The following RIGI variants were observed in gnomAD, a reference collection of about 807,000 sequenced individuals.
The protein encoded by RIGI is antiviral innate immune response receptor RIG-I.
At chr9:32,465,020 G>A in the RIGI span, among the ~76,000 whole-genome samples, 1 of 152,162 alleles carries the variant, frequency 6.6e-6, no homozygotes, top group Non-Finnish European at 1.5e-5. Context: ...TCTGTCACAT[G>A]AGTCTAAGTA....
At chr9:32,487,980 G>A in the RIGI span, 5 of 1,614,050 alleles carry the variant, frequency 3.1e-6, no homozygotes, top group South Asian at 1.1e-5. Context: ...CCAAGTTTCT[G>A]ATCTAGATAA....
chr9:32,457,475 TTG>T, the RIGI span: 44 of 1,352,408 alleles, frequency 3.3e-5, no homozygotes, highest in Non-Finnish European at 3.9e-5. Flanking sequence ...CAGTACATAA[TTG>T]TGATTTAAAA....
chr9:32,491,704 C>T, the RIGI span, among the ~76,000 whole-genome samples: 17 of 108,154 alleles, frequency 1.6e-4, no homozygotes, highest in African/African-American at 5.7e-4. Context: ...CGGAGGGATT[C>T]GTATGCACCA....
chr9:32,458,858 A>C, the RIGI span, among the ~76,000 whole-genome samples: 2 of 150,882 alleles, frequency 1.3e-5, no homozygotes, highest in African/African-American at 2.4e-5. Flanking sequence ...TCCAGGAGCT[A>C]ATCCAGGACA....
chr9:32,499,814 G>A, the RIGI span, among the ~76,000 whole-genome samples: 19 of 152,214 alleles, frequency 1.2e-4, no homozygotes, highest in African/African-American at 4.1e-4. Flanking sequence ...GAGTGCAGCA[G>A]CGCCATCATA....
the RIGI span, among the ~76,000 whole-genome samples, chr9:32,518,296 T>C: frequency 6.6e-6 from 1 of 151,978 alleles, no homozygotes; most frequent in African/African-American, 2.4e-5. Context: ...AGATGTATTT[T>C]TGGTAAGGAA....
chr9:32,471,087 G>A, the RIGI span, among the ~76,000 whole-genome samples: 1 of 152,238 alleles, frequency 6.6e-6, no homozygotes, highest in East Asian at 1.9e-4. Context: ...GCAAAATCCT[G>A]TCCCTACTAA....
chr9:32,492,958 A>T, the RIGI span, among the ~76,000 whole-genome samples: 1 of 152,230 alleles, frequency 6.6e-6, no homozygotes, highest in South Asian at 2.1e-4. Flanking sequence ...ACTAAAGTTT[A>T]TTGTACACAT....
At chr9:32,456,471 A>G in the RIGI span, 1 of 152,170 alleles carries the variant, frequency 6.6e-6, no homozygotes, top group Non-Finnish European at 1.5e-5. Context: ...CATTACATAT[A>G]CATACCTGTA....
the RIGI span, among the ~76,000 whole-genome samples, chr9:32,511,356 T>C: frequency 2.0e-5 from 3 of 152,060 alleles, no homozygotes; most frequent in Non-Finnish European, 2.9e-5. Context: ...CCTCAGCAAA[T>C]GCAAAAGAAC....
the RIGI span, chr9:32,481,414 C>A: frequency 6.2e-7 from 1 of 1,613,280 alleles, no homozygotes; most frequent in Non-Finnish European, 8.5e-7. Context: ...ATCTGGAACA[C>A]CATGCATGCT....
chr9:32,485,950 C>G, the RIGI span, among the ~76,000 whole-genome samples: 8 of 152,158 alleles, frequency 5.3e-5, no homozygotes, highest in Non-Finnish European at 1.2e-4. Flanking sequence ...TTGATATTCT[C>G]CCTCCCCACA....
chr9:32,455,559 T>G, the RIGI span: 1 of 152,056 alleles, frequency 6.6e-6, no homozygotes, highest in Admixed American at 6.5e-5. Context: ...GTCCCTCCCT[T>G]GACACATGGG....
At chr9:32,468,542 T>C in the RIGI span, among the ~76,000 whole-genome samples, 2 of 152,086 alleles carry the variant, frequency 1.3e-5, no homozygotes, top group African/African-American at 2.4e-5. Context: ...GGCACACACC[T>C]GTAGCCCCAG....
chr9:32,460,956 A>T, the RIGI span, among the ~76,000 whole-genome samples: 27 of 152,230 alleles, frequency 1.8e-4, no homozygotes, highest in African/African-American at 6.5e-4. Context: ...AACAAGCTCC[A>T]AACAGGATAA....
chr9:32,511,504 G>A, the RIGI span, among the ~76,000 whole-genome samples: 1 of 152,126 alleles, frequency 6.6e-6, no homozygotes, highest in Non-Finnish European at 1.5e-5. Flanking sequence ...TGAAATGAAG[G>A]CAGAAATAAA....
the RIGI span, among the ~76,000 whole-genome samples, chr9:32,510,559 G>A: frequency 6.6e-6 from 1 of 152,126 alleles, no homozygotes; most frequent in Non-Finnish European, 1.5e-5. Context: ...GTCACCACCA[G>A]GCCTGCCTTA....
At chr9:32,477,024 T>C in the RIGI span, 13 of 1,614,062 alleles carry the variant, frequency 8.1e-6, no homozygotes, top group Non-Finnish European at 2.5e-6. Context: ...ATTGTTATTG[T>C]CTCTGGGTTT....
chr9:32,511,529 C>A, the RIGI span, among the ~76,000 whole-genome samples: 2 of 152,100 alleles, frequency 1.3e-5, no homozygotes, highest in Non-Finnish European at 2.9e-5. Context: ...TTCTTTGAAA[C>A]CAATGAGAAC....
Sources: gnomAD v4.1 joint callset for allele counts (sites outside exome capture counted in the v4.1 genomes callset) on GRCh38, gnomAD v4.1.1 for gene constraint, MANE v1.5 for transcripts, NCBI Gene and HGNC (gene_info 2026-07-23, HGNC 2026-07-21) for gene names.